Variants in STXBP4 observed in about 807,000 individuals in gnomAD.
STXBP4 encodes syntaxin-binding protein 4.
A neutral mutation model predicts 76.1 loss-of-function variants in STXBP4; 55 were observed. The ratio of observed to expected loss-of-function variants is 0.72; its 90% CI spans 0.58 to 0.91. STXBP4 has a LOEUF of 0.91. STXBP4 is among the 40% of genes least tolerant of loss of function. The pLI is 0.00. For synonymous variants in STXBP4, 201 were observed against 220.2 expected, an observed-to-expected ratio of 0.91 and a Z score of 0.77; for missense variants, 618 against 636.9, an observed-to-expected ratio of 0.97 and a Z score of 0.32.
chr17:55,078,753 CTT>C lies in STXBP4; in HGVS notation c.1355+22_1355+23del. 7.2e-7 allele frequency: 1 copy of C among 1,381,220 alleles called. No individual in the cohort carries two copies. Among genetic ancestry groups the C allele is most frequent in the Non-Finnish European group, 1.0e-6 (1 of 971,540 alleles). 85.6% of individuals were successfully genotyped at this position (1,381,220 alleles called of 1,614,324 possible). On this transcript the variant is annotated intron_variant, in intron 15 of 17. Transcript: ENST00000376352. ...AATTTAAGGTAAGAAAATTTAAGTG[CTT>C]TTTGCAGAATATGGGTAGTGATTAA...
At position 55,033,791 on chromosome 17, in the gene STXBP4, CATT is replaced by C. The variant is rs1567729241; in HGVS notation, c.764-374_764-372del. Among the ~76,000 whole-genome samples the C allele has an allele frequency of 2.6e-5, 4 of 152,266 alleles. No individual in the cohort carries two copies. In the South Asian group the frequency reaches 8.3e-4, roughly 32 times the overall value. ...TGCCATACAGCAGCGGTTACATAAA[CATT>C]ATCTGCTGCTATTAATAATTGCTAT... On this transcript the variant is annotated intron_variant, in intron 9 of 17. Transcript: ENST00000376352.
At chr17:55,115,462 G>A (rs1014469509) in intron 16 of STXBP4, among the ~76,000 whole-genome samples, 3 of 151,748 alleles carry the variant, frequency 2.0e-5, no homozygotes, top group Admixed American at 1.3e-4. Context: ...CTAAGAGTAT[G>A]GTTGCATTTG....
intron 4 of STXBP4, 21 bp downstream of exon 4, chr17:54,990,978 C>T: frequency 6.7e-7 from 1 of 1,498,588 alleles, no homozygotes; most frequent in Non-Finnish European, 8.9e-7. Flanking sequence ...GTCCCATGCC[C>T]ACCAAAAATA....
intron 11 of STXBP4, chr17:55,043,634 A>G: frequency 6.5e-7 from 1 of 1,549,772 alleles, no homozygotes; most frequent in Non-Finnish European, 8.7e-7. Flanking sequence ...AATTAGATGA[A>G]GAGCCAATAA....
chr17:55,169,545 G>A lies in STXBP4; in HGVS notation c.*9634G>A, dbSNP rs1208270806. On this transcript the variant is annotated 3_prime_UTR_variant, in exon 18 of 18. Coordinates refer to ENST00000376352, the MANE Select transcript of STXBP4 (RefSeq NM_178509.6). ...GTAGAGGGATCTGAAAGTGCTAGCA[G>A]TGCCTATTATACATCCAAATACTAA... 1 of 152,212 alleles carries A rather than the reference G, an allele frequency of 6.6e-6. No individual in the cohort carries two copies. Among genetic ancestry groups the A allele is most frequent in the East Asian group, 1.9e-4 (1 of 5,198 alleles). The allele number at this position is 152,212 out of a possible 1,614,324, so 9.4% of individuals were successfully genotyped here.
intron 16 of STXBP4, among the ~76,000 whole-genome samples, chr17:55,093,832 G>A (rs2079448378): frequency 6.6e-6 from 1 of 152,054 alleles, no homozygotes; most frequent in African/African-American, 2.4e-5. Context: ...TCTACAATGG[G>A]CCAGACCCTA....
intron 10 of STXBP4, among the ~76,000 whole-genome samples, chr17:55,035,082 T>A (rs1265816495): frequency 6.6e-6 from 1 of 152,028 alleles, no homozygotes; most frequent in Non-Finnish European, 1.5e-5. Context: ...CATCTTCATT[T>A]TTGCCATTGA....
the STXBP4 span, among the ~76,000 whole-genome samples, chr17:55,196,022 A>C: frequency 6.6e-6 from 1 of 152,162 alleles, no homozygotes; most frequent in Non-Finnish European, 1.5e-5. Context: ...ACTGCTTGGC[A>C]CATAGTAGGT....
chr17:55,151,686 G>A (rs901901815), intron 17 of STXBP4, among the ~76,000 whole-genome samples: 16 of 152,282 alleles, frequency 1.1e-4, no homozygotes, highest in South Asian at 4.1e-4. Flanking sequence ...GAAGGGAAGC[G>A]TGAGCTGTTA....
downstream of STXBP4, among the ~76,000 whole-genome samples, chr17:55,176,842 G>A (rs1015693364): frequency 1.4e-4 from 21 of 152,244 alleles, no homozygotes; most frequent in Admixed American, 5.2e-4. Flanking sequence ...CTCTTCTTGA[G>A]ATGGGACATC....
rs200752888 is a variant in STXBP4, at chr17:55,149,236, T to A, written c.1547+7869T>A. ...CATCCATGTGACAACTGGTTTGGAATATTCATTACCTAGCACAGGGCCTGG... is the reference window on the plus strand; with the variant it reads ...CATCCATGTGACAACTGGTTTGGAAAATTCATTACCTAGCACAGGGCCTGG... On this transcript the variant is annotated intron_variant, in intron 17 of 17. Transcript: ENST00000376352. Among the ~76,000 whole-genome samples, 21 of 152,358 alleles carry A rather than the reference T, an allele frequency of 1.4e-4. No homozygotes were observed. In the East Asian group the frequency reaches 3.9e-3, roughly 28 times the overall value.
chr17:55,135,378 A>G (rs2080018042), intron 16 of STXBP4, among the ~76,000 whole-genome samples: 1 of 152,072 alleles, frequency 6.6e-6, no homozygotes. Context: ...TTTTTTCCTC[A>G]AACAACAATG....
chr17:55,143,658 A>G (rs927636002), intron 17 of STXBP4, among the ~76,000 whole-genome samples: 1 of 152,200 alleles, frequency 6.6e-6, no homozygotes, highest in African/African-American at 2.4e-5. Flanking sequence ...AAGGGAGTCA[A>G]TAAGCCCTTT....
At chr17:55,010,020 G>A (rs565118629) in intron 8 of STXBP4, among the ~76,000 whole-genome samples, 6 of 151,492 alleles carry the variant, frequency 4.0e-5, no homozygotes, top group Non-Finnish European at 7.4e-5. Flanking sequence ...TAATAAATAA[G>A]GCCAATGTGA....
At chr17:55,177,511 A>C (rs546424500), downstream of STXBP4, among the ~76,000 whole-genome samples, 2 of 152,348 alleles carry the variant, frequency 1.3e-5, no homozygotes, top group African/African-American at 4.8e-5. Flanking sequence ...TAATTTCCCA[A>C]GGAAATCTGT....
At chr17:55,012,137 A>G (rs2078126773) in intron 8 of STXBP4, among the ~76,000 whole-genome samples, 4 of 152,190 alleles carry the variant, frequency 2.6e-5, no homozygotes, top group Admixed American at 2.6e-4. Context: ...ACAGGGATTG[A>G]AATGTATAGC....
At chr17:55,073,714 C>G (rs1262483115) in intron 13 of STXBP4, among the ~76,000 whole-genome samples, 3 of 152,104 alleles carry the variant, frequency 2.0e-5, no homozygotes, top group African/African-American at 7.2e-5. Context: ...CTGCAACCTC[C>G]GCCTCCCAGG....
At chr17:55,040,667 C>T (rs2078682471) in intron 10 of STXBP4, among the ~76,000 whole-genome samples, 1 of 152,148 alleles carries the variant, frequency 6.6e-6, no homozygotes, top group South Asian at 2.1e-4. Context: ...TATTTCTTGA[C>T]ATCTCCAGAA....
chr17:55,056,223 A>G (rs1011074090), intron 12 of STXBP4, among the ~76,000 whole-genome samples: 1 of 152,142 alleles, frequency 6.6e-6, no homozygotes, highest in African/African-American at 2.4e-5. Context: ...TTTATCTAAA[A>G]TATTACTTTA....
Sources: gnomAD v4.1 joint callset for allele counts (sites outside exome capture counted in the v4.1 genomes callset) on GRCh38, gnomAD v4.1.1 for gene constraint, MANE v1.5 for transcripts, NCBI Gene and HGNC (gene_info 2026-07-23, HGNC 2026-07-21) for gene names.